Variants in NR3C2 observed in about 807,000 individuals in gnomAD.
NR3C2 encodes the protein nuclear receptor subfamily 3 group C member 2, also known as mineralocorticoid receptor.
NR3C2 carries 15 observed loss-of-function variants against 86.4 expected under a neutral mutation model. The observed-to-expected ratio is 0.17, with a 90% CI of 0.12 to 0.27. The LOEUF (loss-of-function observed/expected upper bound fraction) is 0.27. Among genes scored for constraint, NR3C2 ranks in the 10% least tolerant of loss-of-function variants. NR3C2 has a pLI of 1.00. For missense variants in NR3C2, 960 were observed against 1,195.6 expected (o/e 0.80, Z 2.91); for synonymous variants, 458 against 450.5 (o/e 1.02, Z -0.21).
At chr4:148,214,576 A>G (rs1007332618) in intron 3 of NR3C2, among the ~76,000 whole-genome samples, 20 of 152,184 alleles carry the variant, frequency 1.3e-4, no homozygotes, top group African/African-American at 4.8e-4. Flanking sequence ...GGAAGAGAAG[A>G]CTGCTCCTGA....
chr4:148,220,562 T>C (rs762393744), intron 3 of NR3C2, among the ~76,000 whole-genome samples: 20 of 152,154 alleles, frequency 1.3e-4, no homozygotes, highest in African/African-American at 3.9e-4. Flanking sequence ...TCCCAGCGCT[T>C]TGAGACGCCA....
Position 148,295,495 on chromosome 4 carries a change from C to T in NR3C2, c.1758-35378G>A, listed in dbSNP as rs180867733. On this transcript the variant is annotated intron_variant, in intron 2 of 8. Coordinates refer to ENST00000358102, the MANE Select transcript of NR3C2 (RefSeq NM_000901.5). ...CACAGATATTTCTGATATAACTGGT[C>T]TCTGGGCTGGTATGTATGTCATTCC... 5.6e-4 allele frequency among the ~76,000 whole-genome samples: 84 copies of T among 149,724 alleles called. No individual in the cohort carries two copies. The Middle Eastern group carries it at 0.017, about 30-fold the overall frequency.
intron 6 of NR3C2, among the ~76,000 whole-genome samples, chr4:148,147,981 TTAAC>T (rs1210818803): frequency 6.6e-6 from 1 of 151,448 alleles, no homozygotes; most frequent in Non-Finnish European, 1.5e-5. Flanking sequence ...CATTTGTCCT[TTAAC>T]TACTACCTCC....
intron 3 of NR3C2, among the ~76,000 whole-genome samples, chr4:148,212,591 A>G (rs1019607881): frequency 6.6e-6 from 1 of 152,372 alleles, no homozygotes; most frequent in Admixed American, 6.5e-5. Context: ...CAGAGGGGTC[A>G]TTAGCCATTG....
At chr4:148,184,188 C>T (rs538722532) in intron 4 of NR3C2, among the ~76,000 whole-genome samples, 8 of 152,014 alleles carry the variant, frequency 5.3e-5, no homozygotes, top group Non-Finnish European at 1.2e-4. Flanking sequence ...CGGTAGCTCA[C>T]GCCTGTAATC....
At chr4:148,359,893 C>A (rs1048261499) in intron 2 of NR3C2, among the ~76,000 whole-genome samples, 17 of 152,160 alleles carry the variant, frequency 1.1e-4, no homozygotes, top group Admixed American at 1.0e-3. Context: ...ACTACAGAGG[C>A]TGGAGCCAGG....
chr4:148,302,681 C>T (rs911970280), intron 2 of NR3C2, among the ~76,000 whole-genome samples: 1 of 151,988 alleles, frequency 6.6e-6, no homozygotes, highest in Non-Finnish European at 1.5e-5. Context: ...CTTGTCTACA[C>T]AGTCCCCATA....
At chr4:148,241,338 A>G (rs1739033447) in intron 3 of NR3C2, among the ~76,000 whole-genome samples, 1 of 142,268 alleles carries the variant, frequency 7.0e-6, no homozygotes, top group Non-Finnish European at 1.5e-5. Flanking sequence ...AAAAAAGGGG[A>G]AAAATAAAAT....
At chr4:148,252,596 T>C in intron 3 of NR3C2, among the ~76,000 whole-genome samples, 1 of 152,194 alleles carries the variant, frequency 6.6e-6, no homozygotes, top group Middle Eastern at 3.2e-3. Flanking sequence ...AAAACCAAAG[T>C]AGCTCATGAA....
intron 6 of NR3C2, among the ~76,000 whole-genome samples, chr4:148,150,495 T>G (rs1337492015): frequency 2.0e-5 from 3 of 152,216 alleles, no homozygotes; most frequent in Non-Finnish European, 4.4e-5. Context: ...ACTTCAGCAC[T>G]ACGTCTAGGG....
intron 3 of NR3C2, among the ~76,000 whole-genome samples, chr4:148,202,430 G>A (rs1173759290): frequency 6.6e-6 from 1 of 152,208 alleles, no homozygotes; most frequent in Non-Finnish European, 1.5e-5. Flanking sequence ...CTCCCTCTGG[G>A]AGCAGGTGCT....
At chr4:148,295,256 T>C (rs759319490) in intron 2 of NR3C2, among the ~76,000 whole-genome samples, 1 of 151,994 alleles carries the variant, frequency 6.6e-6, no homozygotes, top group African/African-American at 2.4e-5. Context: ...GATATACTAA[T>C]GTAATAAGAA....
At chr4:148,268,430 T>G (rs1740508340) in intron 2 of NR3C2, among the ~76,000 whole-genome samples, 1 of 152,202 alleles carries the variant, frequency 6.6e-6, no homozygotes, top group Non-Finnish European at 1.5e-5. Context: ...CACAATGCAC[T>G]ACAGATAAGA....
chr4:148,336,771 T>C (rs1414824061), intron 2 of NR3C2, among the ~76,000 whole-genome samples: 1 of 152,096 alleles, frequency 6.6e-6, no homozygotes, highest in Non-Finnish European at 1.5e-5. Flanking sequence ...TATAAAAACA[T>C]AATTAGGCCA....
intron 3 of NR3C2, among the ~76,000 whole-genome samples, chr4:148,207,523 G>A (rs1450738488): frequency 6.6e-6 from 1 of 152,168 alleles, no homozygotes. Context: ...CTTATTTACA[G>A]CTGAAACTCA....
intron 2 of NR3C2, among the ~76,000 whole-genome samples, chr4:148,381,163 G>A (rs1467736024): frequency 2.0e-5 from 3 of 151,808 alleles, no homozygotes; most frequent in African/African-American, 7.3e-5. Context: ...AGGAGACAGA[G>A]GTTGCAGTGA....
At chr4:148,173,924 A>G (rs1286376121) in intron 4 of NR3C2, among the ~76,000 whole-genome samples, 3 of 152,204 alleles carry the variant, frequency 2.0e-5, no homozygotes, top group Non-Finnish European at 4.4e-5. Context: ...TAGCATAAGA[A>G]GATTCATGGG....
chr4:148,190,058 G>A (rs888282887), intron 4 of NR3C2, among the ~76,000 whole-genome samples: 1 of 151,972 alleles, frequency 6.6e-6, no homozygotes, highest in Non-Finnish European at 1.5e-5. Flanking sequence ...TCTGATCTTG[G>A]TTATTGCTTT....
chr4:148,089,672 A>G (rs1313129511), intron 8 of NR3C2, among the ~76,000 whole-genome samples: 1 of 152,020 alleles, frequency 6.6e-6, no homozygotes, highest in Non-Finnish European at 1.5e-5. Context: ...TTGCCTTTTC[A>G]GGAATATTTA....
Sources: allele counts gnomAD v4.1 joint callset (sites outside exome capture counted in the v4.1 genomes callset), GRCh38; gene constraint gnomAD v4.1.1; transcripts MANE v1.5; gene names NCBI Gene and HGNC (gene_info 2026-07-23, HGNC 2026-07-21).